PTPRT: variants seen among roughly 807,000 people sequenced by gnomAD.
The protein encoded by PTPRT is receptor-type tyrosine-protein phosphatase T.
A neutral mutation model predicts 176.8 loss-of-function variants in PTPRT; 56 were observed. That is an observed-to-expected ratio of 0.32 (90% CI 0.26 to 0.40). PTPRT has a LOEUF of 0.40. Ranked by LOEUF, PTPRT falls within the 10% of genes least tolerant of loss-of-function variation. The pLI is 1.00. For missense variants in PTPRT, 1,540 were observed against 1,908.2 expected (o/e 0.81, Z 3.60); for synonymous variants, 783 against 739.0 (o/e 1.06, Z -0.96).
intron 9 of PTPRT, among the ~76,000 whole-genome samples, chr20:42,369,208 C>G (rs1339427944): frequency 3.3e-5 from 5 of 152,120 alleles, no homozygotes; most frequent in African/African-American, 1.2e-4. Flanking sequence ...AGCAATCCTC[C>G]CACCTCAGTC....
intron 7 of PTPRT, among the ~76,000 whole-genome samples, chr20:42,635,582 T>C (rs2074578384): frequency 2.0e-5 from 3 of 152,134 alleles, no homozygotes; most frequent in Non-Finnish European, 4.4e-5. Context: ...AAACTGCTTG[T>C]AATAGGAGTC....
rs374358348 is a variant in PTPRT, at chr20:42,859,586, AT to A, written c.214+26220del. On this transcript the variant is annotated intron_variant, in intron 2 of 30. Transcript: ENST00000373187. ...CTCAGTTTGTTTATTTTTTTTTTTAATTTTTTTTTTTTTTTGAGATGGAGTC... is the reference window on the plus strand; with the variant it reads ...CTCAGTTTGTTTATTTTTTTTTTTAATTTTTTTTTTTTTTGAGATGGAGTC... Among the ~76,000 whole-genome samples, 131 of 127,630 alleles carry A rather than the reference AT, an allele frequency of 1.0e-3. 1 individual carries two copies. Among genetic ancestry groups the A allele is most frequent in the East Asian group, 8.8e-3 (39 of 4,418 alleles). 83.7% of individuals were successfully genotyped at this position (127,630 alleles called of 152,430 possible).
At chr20:43,009,275 G>A (rs1000901303) in intron 1 of PTPRT, among the ~76,000 whole-genome samples, 7 of 152,094 alleles carry the variant, frequency 4.6e-5, no homozygotes, top group South Asian at 2.1e-4. Context: ...TTACCCACTC[G>A]CTGACATATC....
chr20:43,154,276 T>C (rs769195949), intron 1 of PTPRT, among the ~76,000 whole-genome samples: 1 of 152,246 alleles, frequency 6.6e-6, no homozygotes, highest in Non-Finnish European at 1.5e-5. Context: ...CTGGCAAGAC[T>C]GTCCTTTCCC....
intron 1 of PTPRT, among the ~76,000 whole-genome samples, chr20:43,057,305 G>T (rs1397913992): frequency 4.8e-5 from 4 of 82,518 alleles, no homozygotes; most frequent in Non-Finnish European, 9.8e-5. Context: ...AGGGGGGAAG[G>T]AATGGAGGAG....
chr20:42,408,891 T>C (rs2058986545), intron 9 of PTPRT, among the ~76,000 whole-genome samples: 1 of 152,132 alleles, frequency 6.6e-6, no homozygotes, highest in Non-Finnish European at 1.5e-5. Context: ...GCTTGCAAGA[T>C]GTGCCTCTTA....
intron 7 of PTPRT, among the ~76,000 whole-genome samples, chr20:42,533,798 G>A (rs955518223): frequency 2.0e-5 from 3 of 152,214 alleles, no homozygotes; most frequent in African/African-American, 7.2e-5. Context: ...CATATGGGCA[G>A]GCACATGCCC....
intron 7 of PTPRT, among the ~76,000 whole-genome samples, chr20:42,653,895 T>C: frequency 6.6e-6 from 1 of 152,230 alleles, no homozygotes; most frequent in East Asian, 1.9e-4. Context: ...ATGTCATAGA[T>C]AACGAATTCT....
chr20:42,070,175 T>C (rs1299482182), downstream of PTPRT, among the ~76,000 whole-genome samples: 1 of 152,064 alleles, frequency 6.6e-6, no homozygotes, highest in Admixed American at 6.6e-5. Flanking sequence ...ATCCCTCTTC[T>C]TGCCTTCTGC....
intron 15 of PTPRT, among the ~76,000 whole-genome samples, chr20:42,223,390 A>G (rs2055930741): frequency 6.6e-6 from 1 of 152,220 alleles, no homozygotes. Flanking sequence ...AGTAAGCGGC[A>G]AAGTCCAGGA....
At chr20:42,239,443 CAG>C (rs2056310513) in intron 14 of PTPRT, among the ~76,000 whole-genome samples, 2 of 104,672 alleles carry the variant, frequency 1.9e-5, no homozygotes, top group African/African-American at 7.5e-5. Context: ...TTTTTTGAGA[CAG>C]AGTCTCACTC....
intron 1 of PTPRT, among the ~76,000 whole-genome samples, chr20:42,894,274 G>T (rs1328032470): frequency 6.6e-6 from 1 of 152,124 alleles, no homozygotes; most frequent in Non-Finnish European, 1.5e-5. Context: ...TAAACTGTGA[G>T]CTGAGCTTGA....
intron 9 of PTPRT, among the ~76,000 whole-genome samples, chr20:42,414,399 A>AT (rs1240893124): frequency 1.3e-5 from 2 of 152,222 alleles, no homozygotes; most frequent in Admixed American, 1.3e-4. Flanking sequence ...TATTCCAGAT[A>AT]TAAGTGCCAA....
At chr20:42,197,467 C>T (rs1600663691) in intron 16 of PTPRT, among the ~76,000 whole-genome samples, 1 of 147,446 alleles carries the variant, frequency 6.8e-6, no homozygotes, top group Non-Finnish European at 1.5e-5. Flanking sequence ...ATAAAGACAG[C>T]TGAAAACCAA....
In PTPRT at chr20:42,765,026, C is replaced by T. The variant is rs141221854; in HGVS notation, c.684+6409G>A. Among the ~76,000 whole-genome samples, 257 of 152,332 alleles carry T rather than the reference C, an allele frequency of 1.7e-3. 2 individuals are homozygous for T. Among genetic ancestry groups the T allele is most frequent in the African/African-American group, 5.8e-3 (242 of 41,572 alleles). The stretch of plus-strand genomic sequence containing the variant: ...CTGATATGCCTCCTCAGCTCATCAA[C>T]CCTGTTGCAGCTGCTGGAGTGCAGG... On this transcript the variant is annotated intron_variant, in intron 5 of 30. Transcript: ENST00000373187.
chr20:42,857,267 CTTTCCATCCA>C (rs2078580609), intron 2 of PTPRT, among the ~76,000 whole-genome samples: 1 of 152,176 alleles, frequency 6.6e-6, no homozygotes, highest in South Asian at 2.1e-4. Context: ...CACATTCTTT[CTTTCCATCCA>C]AATCCTGACC....
chr20:42,296,261 C>T (rs1220898180), intron 12 of PTPRT, among the ~76,000 whole-genome samples: 1 of 152,150 alleles, frequency 6.6e-6, no homozygotes, highest in African/African-American at 2.4e-5. Flanking sequence ...GCCCGACCAA[C>T]ACAGTGAAAC....
chr20:42,774,859 T>G (rs1314367010), intron 4 of PTPRT, among the ~76,000 whole-genome samples: 1 of 152,164 alleles, frequency 6.6e-6, no homozygotes, highest in Admixed American at 6.5e-5. Context: ...TCTCTGGTGA[T>G]TGTGCTTATG....
In PTPRT at chr20:42,370,390, C is replaced by G; in HGVS notation, c.1561-18105G>C. 1.3e-5 allele frequency among the ~76,000 whole-genome samples: 2 copies of G among 152,168 alleles called. 1 individual carries two copies. The highest frequency in any genetic ancestry group is 2.9e-5 in the Non-Finnish European group (2 of 68,026). Reference sequence around the variant, plus strand: ...AAACTCTCAGGTATACCATGCTGCCCTGCCTGGACATGTCCCTGGCAGAGG... The same window carrying G: ...AAACTCTCAGGTATACCATGCTGCCGTGCCTGGACATGTCCCTGGCAGAGG... On this transcript the variant is annotated intron_variant, in intron 9 of 30. Coordinates refer to ENST00000373187, the MANE Select transcript of PTPRT (RefSeq NM_007050.6).
Sources: allele counts gnomAD v4.1 joint callset (sites outside exome capture counted in the v4.1 genomes callset), GRCh38; gene constraint gnomAD v4.1.1; transcripts MANE v1.5; gene names NCBI Gene and HGNC (gene_info 2026-07-23, HGNC 2026-07-21).